Variants in KLHL1 observed in about 807,000 individuals in gnomAD.
KLHL1 encodes kelch like family member 1.
In KLHL1, 47 loss-of-function variants were observed where a neutral mutation model predicts 77.7. The observed-to-expected ratio is 0.60, with a 90% CI of 0.48 to 0.77. The LOEUF (loss-of-function observed/expected upper bound fraction) is 0.77. Among genes scored for constraint, KLHL1 ranks in the 30% least tolerant of loss-of-function variants. KLHL1 has a pLI of 0.00. For missense variants in KLHL1, 925 were observed against 910.8 expected, an observed-to-expected ratio of 1.02 and a Z score of -0.20; for synonymous variants, 360 against 325.2, an observed-to-expected ratio of 1.11 and a Z score of -1.15.
intron 1 of KLHL1, among the ~76,000 whole-genome samples, chr13:69,978,330 G>T (rs1244463710): frequency 6.6e-6 from 1 of 151,434 alleles, no homozygotes; most frequent in East Asian, 2.0e-4. Flanking sequence ...TCTTCTGCTT[G>T]GGTACGCAGA....
At chr13:70,085,102 T>G (rs543973067) in intron 1 of KLHL1, among the ~76,000 whole-genome samples, 3 of 152,204 alleles carry the variant, frequency 2.0e-5, no homozygotes, top group Admixed American at 2.0e-4. Context: ...GACAAGTATC[T>G]GAGTGTGTAT....
chr13:69,797,612 C>T (rs960265260), intron 6 of KLHL1, among the ~76,000 whole-genome samples: 3 of 149,962 alleles, frequency 2.0e-5, no homozygotes, highest in Middle Eastern at 3.4e-3. Flanking sequence ...GTCAGGAGAT[C>T]GAGACCATCC....
At chr13:70,031,192 C>T (rs538865094) in intron 1 of KLHL1, among the ~76,000 whole-genome samples, 1 of 152,250 alleles carries the variant, frequency 6.6e-6, no homozygotes, top group South Asian at 2.1e-4. Flanking sequence ...GGGAGTGCTG[C>T]AATTCTATGC....
chr13:69,836,281 T>A (rs1454338380), intron 6 of KLHL1, among the ~76,000 whole-genome samples: 1 of 152,050 alleles, frequency 6.6e-6, no homozygotes, highest in Non-Finnish European at 1.5e-5. Context: ...CTCCTGTCCC[T>A]CAGAAAAGAG....
In KLHL1 at chr13:69,855,865, T is replaced by TATTATATATGTTATATAA. The variant is rs35877179; in HGVS notation, c.1228-16704_1228-16703insTTATATAACATATATAAT. 5.8e-4 allele frequency among the ~76,000 whole-genome samples: 65 copies of TATTATATATGTTATATAA among 111,246 alleles called. 1 individual carries two copies. In the East Asian group the frequency reaches 0.01, roughly 18 times the overall value. The allele number at this position is 111,246 out of a possible 152,430, so 73.0% of individuals were successfully genotyped here. A position where few individuals can be genotyped will look rare whatever the true frequency, so the allele number is the denominator to read the frequency against. ...GGTATTATATATGTTATATAATATA[T>TATTATATATGTTATATAA]TATATATTATATATGTTATATAATA... On this transcript the variant is annotated intron_variant, in intron 5 of 10. Coordinates refer to ENST00000377844, the MANE Select transcript of KLHL1 (RefSeq NM_020866.3).
chr13:69,701,368 C>G lies in KLHL1; in HGVS notation c.*334G>C, dbSNP rs1239876660. ...GAATGAGTTGTGGTCATGAAACTAT[C>G]CATGTCACAAATATTGGTCTCTCCT... is the stretch of plus-strand genomic sequence containing the variant. On this transcript the variant is annotated 3_prime_UTR_variant, in exon 11 of 11. Coordinates refer to ENST00000377844, the MANE Select transcript of KLHL1 (RefSeq NM_020866.3). The G allele has an allele frequency of 1.5e-5, 3 of 205,040 alleles. No homozygotes were observed. The highest frequency in any genetic ancestry group is 2.9e-5 in the Non-Finnish European group (3 of 103,210). The allele number at this position is 205,040 out of a possible 1,614,324, so 12.7% of individuals were successfully genotyped here. A position where few individuals can be genotyped will look rare whatever the true frequency, so the allele number is the denominator to read the frequency against.
intron 7 of KLHL1, among the ~76,000 whole-genome samples, chr13:69,753,982 G>T (rs1004058707): frequency 1.3e-5 from 2 of 150,288 alleles, no homozygotes; most frequent in African/African-American, 2.5e-5. Context: ...GACTAGAGGC[G>T]TGTTCCACCA....
chr13:69,709,635 C>T (rs1875786464), intron 9 of KLHL1, among the ~76,000 whole-genome samples: 1 of 97,892 alleles, frequency 1.0e-5, no homozygotes, highest in African/African-American at 3.5e-5. Flanking sequence ...AGAATAATAA[C>T]ATTGAGTTAC....
intron 4 of KLHL1, among the ~76,000 whole-genome samples, chr13:69,882,850 A>G (rs534086790): frequency 1.3e-5 from 2 of 152,324 alleles, no homozygotes; most frequent in African/African-American, 4.8e-5. Flanking sequence ...GCTTGACTAT[A>G]TATGTAGACA....
rs143647021 is a variant in KLHL1 at position 69,748,169 on chromosome 13, G to A, written c.1640-7613C>T. Among the ~76,000 whole-genome samples the A allele has an allele frequency of 5.9e-5, 9 of 152,062 alleles. No homozygotes were observed. In the East Asian group the frequency reaches 1.7e-3, roughly 29 times the overall value. On this transcript the variant is annotated intron_variant, in intron 7 of 10. Transcript: ENST00000377844. ...AAGTATTGCCAGTGAGACTATCAGA[G>A]GTGGCGACAGAGCAAAATGCAAATG...
intron 1 of KLHL1, among the ~76,000 whole-genome samples, chr13:70,006,388 T>C (rs1885404584): frequency 6.6e-6 from 1 of 152,178 alleles, no homozygotes; most frequent in East Asian, 1.9e-4. Context: ...TTGAGGATTT[T>C]TGTATCTTTA....
chr13:70,045,269 G>A (rs763230741), intron 1 of KLHL1, among the ~76,000 whole-genome samples: 1 of 152,042 alleles, frequency 6.6e-6, no homozygotes, highest in Non-Finnish European at 1.5e-5. Context: ...AATACATTAA[G>A]CACAAATACA....
chr13:69,841,428 G>A (rs898228761), intron 5 of KLHL1, among the ~76,000 whole-genome samples: 2 of 148,630 alleles, frequency 1.3e-5, no homozygotes, highest in Non-Finnish European at 3.0e-5. Context: ...TAACAATCTA[G>A]TTGAGAAAAA....
chr13:69,833,358 C>T (rs976274958), intron 6 of KLHL1, among the ~76,000 whole-genome samples: 4 of 151,832 alleles, frequency 2.6e-5, no homozygotes, highest in Non-Finnish European at 1.5e-5. Flanking sequence ...TGAAAAAATG[C>T]TCAACATCAC....
chr13:70,012,090 T>G (rs1266854694), intron 1 of KLHL1, among the ~76,000 whole-genome samples: 1 of 152,054 alleles, frequency 6.6e-6, no homozygotes, highest in African/African-American at 2.4e-5. Flanking sequence ...CCCACCCCCA[T>G]GATTCCATTA....
chr13:69,825,932 T>C (rs1176855294), intron 6 of KLHL1, among the ~76,000 whole-genome samples: 4 of 152,228 alleles, frequency 2.6e-5, no homozygotes, highest in African/African-American at 9.6e-5. Flanking sequence ...TATTGAATTA[T>C]AGAACTTTTA....
intron 7 of KLHL1, among the ~76,000 whole-genome samples, chr13:69,744,739 GTAATA>G (rs1014398398): frequency 1.3e-5 from 2 of 151,562 alleles, no homozygotes; most frequent in Non-Finnish European, 2.9e-5. Flanking sequence ...TATAAATTAA[GTAATA>G]TAATTTAAAA....
At chr13:69,891,049 T>C (rs1441336697) in intron 4 of KLHL1, among the ~76,000 whole-genome samples, 2 of 152,116 alleles carry the variant, frequency 1.3e-5, no homozygotes, top group African/African-American at 4.8e-5. Flanking sequence ...ACATGGAATA[T>C]AATTTCTTTA....
chr13:69,803,413 T>A (rs2138050181), intron 6 of KLHL1, among the ~76,000 whole-genome samples: 1 of 152,310 alleles, frequency 6.6e-6, no homozygotes, highest in African/African-American at 2.4e-5. Flanking sequence ...AAACACTTCT[T>A]TTTATGACTT....
Sources: allele counts gnomAD v4.1 joint callset (sites outside exome capture counted in the v4.1 genomes callset), GRCh38; gene constraint gnomAD v4.1.1; transcripts MANE v1.5; gene names NCBI Gene and HGNC (gene_info 2026-07-23, HGNC 2026-07-21).